The following SNX29 variants were observed in gnomAD, a reference collection of about 807,000 sequenced individuals.
SNX29 encodes the protein sorting nexin 29, also known as sorting nexin-29.
In SNX29, 78 loss-of-function variants were observed where a neutral mutation model predicts 102.1. That is an observed-to-expected ratio of 0.76 (90% confidence interval 0.64 to 0.92). The LOEUF is 0.92. Among genes scored for constraint, SNX29 ranks in the 40% least tolerant of loss-of-function variants. The pLI is 0.00. For synonymous variants in SNX29, 580 were observed against 414.5 expected, an observed-to-expected ratio of 1.40 and a Z score of -4.85; for missense variants, 1,280 against 1,061.7, an observed-to-expected ratio of 1.21 and a Z score of -2.86.
In SNX29 at chr16:12,572,631, C is replaced by T. The variant is rs892028988; in HGVS notation, c.*4002C>T. On this transcript the variant is annotated 3_prime_UTR_variant, in exon 21 of 21. Coordinates refer to ENST00000566228, the MANE Select transcript of SNX29 (RefSeq NM_032167.5). ...CCTCCGGCTACCCCCAGAATCCATC[C>T]TTCATTCCTCCACCAAGCTCCTGTG... 1 of 1,063,960 alleles carries T rather than the reference C, an allele frequency of 9.4e-7. No homozygotes were observed. Among genetic ancestry groups the T allele is most frequent in the Non-Finnish European group, 1.1e-6 (1 of 878,404 alleles). 65.9% of individuals were successfully genotyped at this position (1,063,960 alleles called of 1,614,324 possible).
At chr16:12,235,654 A>G (rs904760097) in intron 14 of SNX29, among the ~76,000 whole-genome samples, 12 of 152,234 alleles carry the variant, frequency 7.9e-5, no homozygotes, top group African/African-American at 2.7e-4. Flanking sequence ...AACACAGAGG[A>G]AAGAAGTGAA....
chr16:12,237,970 G>A (rs191845363), intron 14 of SNX29, among the ~76,000 whole-genome samples: 88 of 152,256 alleles, frequency 5.8e-4, no homozygotes, highest in African/African-American at 1.7e-3. Flanking sequence ...TGATGCAGTG[G>A]CCACAGAAGC....
At chr16:12,140,401 C>A (rs1360224661) in intron 13 of SNX29, among the ~76,000 whole-genome samples, 1 of 152,230 alleles carries the variant, frequency 6.6e-6, no homozygotes, top group Non-Finnish European at 1.5e-5. Context: ...CCTGCCCAAG[C>A]CTGGGTCCCA....
chr16:12,525,603 A>T (rs1054966202), intron 20 of SNX29, among the ~76,000 whole-genome samples: 1 of 151,852 alleles, frequency 6.6e-6, no homozygotes, highest in African/African-American at 2.4e-5. Context: ...GAGGCAGGAG[A>T]ATCACTTGAA....
At chr16:12,288,123 G>C (rs976457975) in intron 15 of SNX29, among the ~76,000 whole-genome samples, 1 of 152,158 alleles carries the variant, frequency 6.6e-6, no homozygotes, top group African/African-American at 2.4e-5. Context: ...AGAAGGTCAA[G>C]GCTGCAGTGA....
At chr16:12,269,360 A>G (rs929624493) in intron 14 of SNX29, among the ~76,000 whole-genome samples, 1 of 152,270 alleles carries the variant, frequency 6.6e-6, no homozygotes, top group Non-Finnish European at 1.5e-5. Context: ...TAAAATGGCC[A>G]GACTGAATCC....
intron 15 of SNX29, among the ~76,000 whole-genome samples, chr16:12,347,930 A>AG (rs34729146): frequency 1.3e-5 from 2 of 150,844 alleles, no homozygotes; most frequent in Non-Finnish European, 3.0e-5. Flanking sequence ...AAAAAAAAAA[A>AG]TAGGTGAGCA....
At chr16:12,002,942 G>T (rs2056339087) in intron 2 of SNX29, 49 bp from the exon 3 acceptor site, 2 of 1,611,746 alleles carry the variant, frequency 1.2e-6, no homozygotes, top group Non-Finnish European at 1.7e-6. Flanking sequence ...ATGACGTTTT[G>T]AGTGTCCCAT....
intron 16 of SNX29, among the ~76,000 whole-genome samples, chr16:12,373,397 T>A (rs1489812878): frequency 6.6e-6 from 1 of 152,206 alleles, no homozygotes; most frequent in African/African-American, 2.4e-5. Flanking sequence ...CCCATAGTGC[T>A]GGGATTACAA....
intron 14 of SNX29, among the ~76,000 whole-genome samples, chr16:12,223,942 C>CG (rs1162956123): frequency 6.6e-6 from 1 of 152,066 alleles, no homozygotes; most frequent in Non-Finnish European, 1.5e-5. Context: ...AACGTAGCCT[C>CG]GGAGGGGTTC....
intron 20 of SNX29, among the ~76,000 whole-genome samples, chr16:12,549,623 A>G (rs531958021): frequency 9.8e-4 from 149 of 152,286 alleles, no homozygotes; most frequent in Non-Finnish European, 1.8e-3. Flanking sequence ...TGCCCTCCAC[A>G]CGCTCTGTAA....
intron 13 of SNX29, among the ~76,000 whole-genome samples, chr16:12,168,268 G>A (rs1477545073): frequency 6.6e-6 from 1 of 152,208 alleles, no homozygotes; most frequent in Non-Finnish European, 1.5e-5. Flanking sequence ...GAGCAGATGA[G>A]GGTGGAGGGA....
intron 13 of SNX29, among the ~76,000 whole-genome samples, chr16:12,130,347 C>T (rs547496007): frequency 3.3e-5 from 5 of 149,958 alleles, no homozygotes; most frequent in African/African-American, 9.8e-5. Flanking sequence ...TGGTGACGGA[C>T]GCCTGTAGTC....
At chr16:12,560,662 G>A (rs3829529) in intron 20 of SNX29, 30,622 of 155,824 alleles carry the variant, frequency 0.2, 3,228 homozygotes, top group East Asian at 0.43. Context: ...TAGCATCTTG[G>A]GGGCTGGGCT....
chr16:12,381,386 C>A (rs1354696818), intron 16 of SNX29, among the ~76,000 whole-genome samples: 3 of 105,942 alleles, frequency 2.8e-5, no homozygotes, highest in African/African-American at 1.1e-4. Context: ...CATCCACCCA[C>A]CCACTCATCA....
rs561157912 is a variant in SNX29 at position 12,569,426 on chromosome 16, C to T, written c.*797C>T. On this transcript the variant is annotated 3_prime_UTR_variant, in exon 21 of 21. Coordinates refer to ENST00000566228, the MANE Select transcript of SNX29 (RefSeq NM_032167.5). Reference sequence around the variant, plus strand: ...AACCTAGTAACCCGGCGTCATCCAGCGTGTCCAAAGTAGCATTGGCCCTAC... The same window carrying T: ...AACCTAGTAACCCGGCGTCATCCAGTGTGTCCAAAGTAGCATTGGCCCTAC... 5.6e-5 allele frequency: 13 copies of T among 230,518 alleles called. No homozygotes were observed. Among genetic ancestry groups the T allele is most frequent in the African/African-American group, 2.4e-4 (11 of 45,268 alleles). 14.3% of individuals were successfully genotyped at this position (230,518 alleles called of 1,614,324 possible). A position where few individuals can be genotyped will look rare whatever the true frequency, so the allele number is the denominator to read the frequency against.
At chr16:12,266,171 C>G (rs375803248) in intron 14 of SNX29, among the ~76,000 whole-genome samples, 1 of 152,086 alleles carries the variant, frequency 6.6e-6, no homozygotes, top group Non-Finnish European at 1.5e-5. Context: ...GCGATCCTCC[C>G]GCCTCAGCCT....
Position 12,496,507 on chromosome 16 carries a change from C to CTTT in SNX29, c.2178+18668_2178+18670dup, listed in dbSNP as rs537441350. ...TCTCACACCTCCTTGGCTCTCATGG[C>CTTT]TTTTTTTTTTTTTTTTTTTTTTAAA... On this transcript the variant is annotated intron_variant, in intron 19 of 20. Transcript: ENST00000566228. Among the ~76,000 whole-genome samples, 534 of 115,190 alleles carry CTTT rather than the reference C, an allele frequency of 4.6e-3. 11 individuals carry two copies. Among genetic ancestry groups the CTTT allele is most frequent in the African/African-American group, 0.016 (419 of 26,016 alleles). The allele number at this position is 115,190 out of a possible 152,430, so 75.6% of individuals were successfully genotyped here.
chr16:12,210,766 C>T (rs997011615), intron 14 of SNX29, among the ~76,000 whole-genome samples: 10 of 152,050 alleles, frequency 6.6e-5, no homozygotes, highest in Admixed American at 6.5e-4. Context: ...CTCTTTTCCC[C>T]TATCTCCTCC....
Sources: gnomAD v4.1 joint callset for allele counts (sites outside exome capture counted in the v4.1 genomes callset) on GRCh38, gnomAD v4.1.1 for gene constraint, MANE v1.5 for transcripts, NCBI Gene and HGNC (gene_info 2026-07-23, HGNC 2026-07-21) for gene names.